The following ACYP2 variants were observed in gnomAD, a reference collection of about 807,000 sequenced individuals.
ACYP2 encodes the protein acylphosphatase 2, also known as acylphosphatase-2.
Under a neutral mutation model 11.2 loss-of-function variants are expected in ACYP2, and 12 were observed. The observed-to-expected ratio is 1.08, with a 90% CI of 0.69 to 1.74. The LOEUF (loss-of-function observed/expected upper bound fraction) is 1.74. Ranked by LOEUF, ACYP2 falls within the 40% of genes most tolerant of loss-of-function variation. The probability of loss-of-function intolerance (pLI) is 0.00; values close to 1 mark genes in which losing one functional copy is unlikely to be tolerated. For synonymous variants in ACYP2, 43 were observed against 32.2 expected, an observed-to-expected ratio of 1.33 and a Z score of -1.13; for missense variants, 134 against 101.9, an observed-to-expected ratio of 1.31 and a Z score of -1.35.
At chr2:53,987,599 C>T (rs1269130846) in intron 2 of ACYP2, among the ~76,000 whole-genome samples, 1 of 152,154 alleles carries the variant, frequency 6.6e-6, no homozygotes, top group African/African-American at 2.4e-5. Context: ...TTTACATTCT[C>T]ATCAGCATTG....
chr2:54,051,153 G>A, intron 3 of ACYP2: 2 of 699,046 alleles, frequency 2.9e-6, no homozygotes, highest in East Asian at 2.4e-5. Context: ...CACTGGGCAA[G>A]TGAGAACCAG....
chr2:54,210,521 G>C (rs1298364588), intron 6 of ACYP2, among the ~76,000 whole-genome samples: 1 of 152,164 alleles, frequency 6.6e-6, no homozygotes, highest in Non-Finnish European at 1.5e-5. Flanking sequence ...ACTCTGCTTT[G>C]TTGAAATAGT....
chr2:54,144,704 CTG>C (rs1681807167), intron 6 of ACYP2, among the ~76,000 whole-genome samples: 1 of 151,502 alleles, frequency 6.6e-6, no homozygotes, highest in African/African-American at 2.4e-5. Flanking sequence ...TCTTTTGCAT[CTG>C]TGCTTATATG....
At chr2:54,172,372 T>A (rs1464058612) in intron 6 of ACYP2, among the ~76,000 whole-genome samples, 1 of 152,222 alleles carries the variant, frequency 6.6e-6, no homozygotes, top group Non-Finnish European at 1.5e-5. Context: ...ATCATGTGCT[T>A]TGTTTATGAA....
chr2:54,127,189 A>G (rs139967816), intron 4 of ACYP2, among the ~76,000 whole-genome samples: 13 of 142,652 alleles, frequency 9.1e-5, no homozygotes, highest in Middle Eastern at 4.1e-3. Flanking sequence ...AAATTCTTCT[A>G]TGATTTGATA....
chr2:54,195,632 C>T (rs1308252526), intron 6 of ACYP2, among the ~76,000 whole-genome samples: 1 of 80,618 alleles, frequency 1.2e-5, no homozygotes, highest in Non-Finnish European at 2.4e-5. Context: ...GAAGACTGGC[C>T]AAAGGCAAAA....
chr2:54,037,962 T>C (rs1558487011), intron 2 of ACYP2, among the ~76,000 whole-genome samples: 1 of 152,224 alleles, frequency 6.6e-6, no homozygotes, highest in Admixed American at 6.5e-5. Context: ...CAGATTGGAA[T>C]AAATATTTCC....
intron 6 of ACYP2, among the ~76,000 whole-genome samples, chr2:54,174,990 C>CT (rs1282511701): frequency 6.6e-6 from 1 of 152,136 alleles, no homozygotes; most frequent in Admixed American, 6.6e-5. Context: ...CTAAAATTCT[C>CT]TTTTTTTGTT....
chr2:54,169,997 G>T (rs1683157532), intron 6 of ACYP2, among the ~76,000 whole-genome samples: 1 of 152,124 alleles, frequency 6.6e-6, no homozygotes, highest in Non-Finnish European at 1.5e-5. Flanking sequence ...GATAGATGAA[G>T]ATGTGACTCT....
At position 54,135,485 on chromosome 2, in the gene ACYP2, C is replaced by T. The variant is rs761017970; in HGVS notation, c.294+16C>T. ...CTTCAGAATGGTAAGTCAGTACAATCTTTATTATTTTGCTATTTTTTTTCC... is the reference window on the plus strand; with the variant it reads ...CTTCAGAATGGTAAGTCAGTACAATTTTTATTATTTTGCTATTTTTTTTCC... On this transcript the variant is annotated intron_variant, in intron 5 of 6. Transcript: ENST00000607452. 22 of 1,601,308 alleles carry T rather than the reference C, an allele frequency of 1.4e-5. No homozygotes were observed. The highest frequency in any genetic ancestry group is 1.8e-5 in the Non-Finnish European group (21 of 1,173,308).
chr2:54,046,264 A>G (rs1573600002), intron 2 of ACYP2, among the ~76,000 whole-genome samples: 1 of 149,606 alleles, frequency 6.7e-6, no homozygotes, highest in African/African-American at 2.5e-5. Context: ...GCATTACTTG[A>G]GGTCAGGAGT....
intron 6 of ACYP2, among the ~76,000 whole-genome samples, chr2:54,207,755 C>T (rs1363930329): frequency 6.6e-6 from 1 of 152,126 alleles, no homozygotes; most frequent in Non-Finnish European, 1.5e-5. Flanking sequence ...AAACAAAAGC[C>T]ATGAACCATG....
chr2:54,116,293 G>C (rs998670465), intron 4 of ACYP2, among the ~76,000 whole-genome samples: 1 of 152,104 alleles, frequency 6.6e-6, no homozygotes, highest in African/African-American at 2.4e-5. Context: ...TGTCTGGCTT[G>C]TTGAAAATAT....
intron 6 of ACYP2, chr2:54,142,489 GAGGC>G (rs1165666686): frequency 2.0e-5 from 3 of 152,202 alleles, no homozygotes; most frequent in African/African-American, 7.2e-5. Context: ...TCGGGAGGCT[GAGGC>G]GGGCGGATCA....
chr2:54,132,192 G>A (rs1680942162), intron 4 of ACYP2, among the ~76,000 whole-genome samples: 1 of 152,102 alleles, frequency 6.6e-6, no homozygotes, highest in Non-Finnish European at 1.5e-5. Flanking sequence ...ACTTTTGCCT[G>A]CACAGTGCAG....
chr2:54,115,993 G>C (rs1019177755), intron 4 of ACYP2, among the ~76,000 whole-genome samples: 1 of 152,128 alleles, frequency 6.6e-6, no homozygotes, highest in Non-Finnish European at 1.5e-5. Context: ...GGAGGGGTCA[G>C]GGGACTGCTG....
intron 4 of ACYP2, among the ~76,000 whole-genome samples, chr2:54,126,245 T>TA (rs1048434713): frequency 2.0e-5 from 3 of 152,188 alleles, no homozygotes; most frequent in Non-Finnish European, 2.9e-5. Flanking sequence ...CACATAGGTG[T>TA]AACAGTTACG....
intron 4 of ACYP2, among the ~76,000 whole-genome samples, chr2:54,133,267 G>A (rs914354287): frequency 8.5e-5 from 13 of 152,166 alleles, no homozygotes; most frequent in Admixed American, 5.9e-4. Flanking sequence ...TTAGCATAAT[G>A]CATTTGTGAT....
chr2:54,213,505 G>T (rs1447445527), intron 6 of ACYP2, among the ~76,000 whole-genome samples: 1 of 152,154 alleles, frequency 6.6e-6, no homozygotes, highest in Middle Eastern at 3.2e-3. Context: ...AGTTCTTTGA[G>T]AAATCTCCAA....
Sources: gnomAD v4.1 joint callset for allele counts (sites outside exome capture counted in the v4.1 genomes callset) on GRCh38, gnomAD v4.1.1 for gene constraint, MANE v1.5 for transcripts, NCBI Gene and HGNC (gene_info 2026-07-23, HGNC 2026-07-21) for gene names.